Variants in CEP112 observed in about 807,000 individuals in gnomAD.
CEP112 encodes centrosomal protein of 112 kDa.
In CEP112, 127 loss-of-function variants were observed where a neutral mutation model predicts 153.0. That is an observed-to-expected ratio of 0.83 (90% CI 0.72 to 0.96). The LOEUF (loss-of-function observed/expected upper bound fraction) is 0.96. Ranked by LOEUF, CEP112 falls within the 40% of genes least tolerant of loss-of-function variation. CEP112 has a pLI of 0.00. For synonymous variants in CEP112, 358 were observed against 374.4 expected, an observed-to-expected ratio of 0.96 and a Z score of 0.51; for missense variants, 1,089 against 1,101.2, an observed-to-expected ratio of 0.99 and a Z score of 0.16.
At chr17:65,755,487 G>A (rs1037449111) in intron 21 of CEP112, among the ~76,000 whole-genome samples, 1 of 152,004 alleles carries the variant, frequency 6.6e-6, no homozygotes, top group African/African-American at 2.4e-5. Flanking sequence ...ACCATTTCAG[G>A]GTTTCAGTAT....
intron 6 of CEP112, among the ~76,000 whole-genome samples, chr17:66,098,480 T>C (rs2068437285): frequency 6.6e-6 from 1 of 152,118 alleles, no homozygotes. Context: ...AAATGAACAA[T>C]CCATACCCAA....
chr17:65,838,149 T>C (rs1447130392), intron 21 of CEP112, among the ~76,000 whole-genome samples: 1 of 151,662 alleles, frequency 6.6e-6, no homozygotes, highest in Non-Finnish European at 1.5e-5. Flanking sequence ...AAAAATGGAT[T>C]AAAAAAAAGA....
chr17:65,757,270 G>A (rs1382407497), intron 21 of CEP112, among the ~76,000 whole-genome samples: 4 of 152,176 alleles, frequency 2.6e-5, no homozygotes, highest in South Asian at 2.1e-4. Context: ...GGTGGGACGA[G>A]GGGAGGAGAT....
intron 20 of CEP112, among the ~76,000 whole-genome samples, chr17:65,890,191 G>A (rs144262341): frequency 1.2e-3 from 186 of 152,274 alleles, no homozygotes; most frequent in African/African-American, 4.3e-3. Flanking sequence ...TACTAAGTGG[G>A]ATAATAAGTG....
At chr17:65,709,893 C>T (rs143913439) in intron 23 of CEP112, among the ~76,000 whole-genome samples, 173 of 152,316 alleles carry the variant, frequency 1.1e-3, no homozygotes, top group African/African-American at 4.1e-3. Flanking sequence ...CAAAACAAAC[C>T]TGACTGAGAT....
chr17:65,880,499 A>G (rs2059021082), intron 20 of CEP112, among the ~76,000 whole-genome samples: 1 of 152,242 alleles, frequency 6.6e-6, no homozygotes, highest in Non-Finnish European at 1.5e-5. Flanking sequence ...GTTTCCATTA[A>G]TTCAACTGAC....
intron 17 of CEP112, among the ~76,000 whole-genome samples, chr17:65,996,828 G>A (rs940784700): frequency 1.3e-5 from 2 of 152,182 alleles, no homozygotes; most frequent in Non-Finnish European, 2.9e-5. Context: ...TAAATTAAAA[G>A]TAGAAGATGA....
At chr17:65,953,975 T>C (rs761484604) in intron 18 of CEP112, among the ~76,000 whole-genome samples, 6 of 152,178 alleles carry the variant, frequency 3.9e-5, no homozygotes, top group Non-Finnish European at 8.8e-5. Flanking sequence ...TAGGGCAAGT[T>C]TGCATCCTCC....
chr17:65,743,257 G>A, intron 22 of CEP112, 40 bp from the exon 23 acceptor site: 2 of 1,524,538 alleles, frequency 1.3e-6, no homozygotes, highest in East Asian at 2.3e-5. Context: ...AAATTCTTCT[G>A]GGAGAGGCAT....
In CEP112 at chr17:66,168,485, G is replaced by GTGTGTGTGTATATATATGTATATA. The variant is rs1338417438; in HGVS notation, c.470+6535_470+6558dup. On this transcript the variant is annotated intron_variant, in intron 4 of 26. Transcript: ENST00000535342. The stretch of plus-strand genomic sequence containing the variant: ...TATGTGTGTGTATATATGTATATAT[G>GTGTGTGTGTATATATATGTATATA]TGTGTGTGTATATATATGTATATAT... 2.8e-4 allele frequency among the ~76,000 whole-genome samples: 39 copies of GTGTGTGTGTATATATATGTATATA among 140,944 alleles called. 1 individual carries two copies. The highest frequency in any genetic ancestry group is 7.0e-4 in the African/African-American group (28 of 40,068). 92.5% of individuals were successfully genotyped at this position (140,944 alleles called of 152,430 possible).
chr17:66,187,877 T>G (rs991192470), intron 1 of CEP112, among the ~76,000 whole-genome samples: 2 of 152,202 alleles, frequency 1.3e-5, no homozygotes, highest in African/African-American at 4.8e-5. Flanking sequence ...CATAAATCTA[T>G]GATGTACTCT....
chr17:65,971,170 CAGCACATGT>C, intron 17 of CEP112, among the ~76,000 whole-genome samples: 1 of 55,014 alleles, frequency 1.8e-5, no homozygotes, highest in African/African-American at 4.6e-5. Flanking sequence ...ATTACATGTA[CAGCACATGT>C]ACAGCACATG....
At chr17:66,188,275 CCACACACACAAACACACACACACACACA>C (rs1238196026) in intron 1 of CEP112, among the ~76,000 whole-genome samples, 1 of 120,664 alleles carries the variant, frequency 8.3e-6, no homozygotes, top group Non-Finnish European at 1.8e-5. Flanking sequence ...GTCTCTCACA[CCACACACACAAACACACACACACACACA>C]CACACACACA....
intron 12 of CEP112, among the ~76,000 whole-genome samples, chr17:66,053,244 G>A (rs1291370499): frequency 6.6e-6 from 1 of 151,332 alleles, no homozygotes; most frequent in East Asian, 1.9e-4. Flanking sequence ...GCTCACACCT[G>A]TAATCCCAGC....
At chr17:65,970,879 C>T (rs1167282797) in intron 17 of CEP112, among the ~76,000 whole-genome samples, 1 of 50,378 alleles carries the variant, frequency 2.0e-5, no homozygotes, top group Non-Finnish European at 4.2e-5. Context: ...CATCGCATTA[C>T]ATGCATATCA....
chr17:65,994,907 C>T (rs770004564), intron 17 of CEP112, among the ~76,000 whole-genome samples: 43 of 152,154 alleles, frequency 2.8e-4, no homozygotes, highest in Non-Finnish European at 3.1e-4. Context: ...TTGGCCTAAT[C>T]ACAAGTGAGA....
At chr17:66,157,705 C>CAA (rs370026993) in intron 4 of CEP112, among the ~76,000 whole-genome samples, 5,202 of 93,714 alleles carry the variant, frequency 0.056, 174 homozygotes, top group East Asian at 0.1. Flanking sequence ...AAATGGAAAG[C>CAA]AAAAAAAAAA....
intron 21 of CEP112, among the ~76,000 whole-genome samples, chr17:65,814,351 C>T (rs1441942455): frequency 6.6e-6 from 1 of 152,182 alleles, no homozygotes; most frequent in East Asian, 1.9e-4. Flanking sequence ...CTTTTCAACA[C>T]AGTCATCAGG....
At chr17:66,121,646 G>A (rs1395416879) in intron 6 of CEP112, among the ~76,000 whole-genome samples, 1 of 150,728 alleles carries the variant, frequency 6.6e-6, no homozygotes, top group Admixed American at 6.6e-5. Flanking sequence ...CCCCTATGGT[G>A]AATTTTTCAC....
Sources: allele counts gnomAD v4.1 joint callset (sites outside exome capture counted in the v4.1 genomes callset), GRCh38; gene constraint gnomAD v4.1.1; transcripts MANE v1.5; gene names NCBI Gene and HGNC (gene_info 2026-07-23, HGNC 2026-07-21).